NIPAL4: variants seen among roughly 807,000 people sequenced by gnomAD.
The protein encoded by NIPAL4 is NIPA like domain containing 4.
A neutral mutation model predicts 31.6 loss-of-function variants in NIPAL4; 21 were observed. The observed-to-expected ratio is 0.67, with a 90% CI of 0.47 to 0.96. NIPAL4 has a LOEUF of 0.96. NIPAL4 is among the 40% of genes least tolerant of loss of function. The pLI, the probability that NIPAL4 is intolerant of heterozygous loss-of-function variation, is 0.00. For missense variants in NIPAL4, 438 were observed against 508.0 expected, an observed-to-expected ratio of 0.86 and a Z score of 1.32; for synonymous variants, 175 against 211.1, an observed-to-expected ratio of 0.83 and a Z score of 1.48.
chr5:157,466,741 C>T (rs1300528906), intron 2 of NIPAL4, among the ~76,000 whole-genome samples: 1 of 152,172 alleles, frequency 6.6e-6, no homozygotes. Context: ...GGGTGGGGAA[C>T]ATTTAAAACC....
chr5:157,465,760 G>A (rs1276861190), intron 2 of NIPAL4, among the ~76,000 whole-genome samples: 1 of 152,198 alleles, frequency 6.6e-6, no homozygotes. Flanking sequence ...GGGAGGCTGA[G>A]GTGTCAGGAT....
chr5:157,460,604 G>A (rs777220005), intron 1 of NIPAL4: 4 of 681,746 alleles, frequency 5.9e-6, no homozygotes, highest in South Asian at 4.5e-5. Context: ...TTGAGATGGG[G>A]GGTTAGTGGG....
intron 2 of NIPAL4, among the ~76,000 whole-genome samples, chr5:157,464,979 G>C (rs556343570): frequency 1.1e-4 from 16 of 152,160 alleles, no homozygotes; most frequent in South Asian, 4.1e-4. Context: ...AGTAGCACTA[G>C]TATTGGTATT....
chr5:157,471,829 GC>G lies in NIPAL4; in HGVS notation c.586+16del. 2 of 1,573,956 alleles carry G rather than the reference GC, an allele frequency of 1.3e-6. No individual in the cohort carries two copies. The highest frequency in any genetic ancestry group is 1.9e-5 in the Admixed American group (1 of 53,910). On this transcript the variant is annotated intron_variant, in intron 5 of 5. Transcript: ENST00000311946. ...GATGAAAGACACAGGTAGACTCCAA[GC>G]CCCTGAAGAGCAGGAAAATACTGGA... is the stretch of plus-strand genomic sequence containing the variant.
In NIPAL4 at chr5:157,465,405, A is replaced by G. The variant is rs148675818; in HGVS notation, c.278-1644A>G. ...ATTTATGGGAAATTCTGACCTTTTT[A>G]GGAACCTAATGAAAATAGGACACCT... On this transcript the variant is annotated intron_variant, in intron 2 of 5. Transcript: ENST00000311946. Among the ~76,000 whole-genome samples the G allele has an allele frequency of 1.1e-4, 17 of 152,344 alleles. No homozygotes were observed. The East Asian group carries it at 1.9e-3, about 17-fold the overall frequency.
Position 157,460,333 on chromosome 5 carries a change from G to A in NIPAL4, c.13G>A (p.Val5Ile). 6.5e-7 allele frequency: 1 copy of A among 1,547,808 alleles called. No homozygotes were observed. The highest frequency in any genetic ancestry group is 8.7e-7 in the Non-Finnish European group (1 of 1,146,262). ...TGCCCCGGGCCCCATGGAGCTGCGG[G>A]TCAGCAACACCAGCTGCGAGAACGG... MELR[V>I]SNTSCENGSL... is the part of the protein sequence containing the mutation. Residue 5 changes from valine (V) to isoleucine (I), a missense_variant, in exon 1 of 6, where the codon GTC (valine) becomes ATC (isoleucine). By Grantham distance (29) the Val-to-Ile change is conservative (BLOSUM62 3). Transcript: ENST00000311946.
Position 157,467,048 on chromosome 5 carries a change from G to A in NIPAL4, c.278-1G>A, listed in dbSNP as rs1340584185. ...TAACTTTGTGTCCATTCCCTCCACA[G>A]TGGATGGAGGCTTCGGCTACCTGAA... On this transcript the variant is annotated splice_acceptor_variant, in intron 2 of 5. Transcript: ENST00000311946. LOFTEE classifies it high-confidence loss of function. 1 of 1,610,792 alleles carries A rather than the reference G, an allele frequency of 6.2e-7. No homozygotes were observed. Among genetic ancestry groups the A allele is most frequent in the Non-Finnish European group, 8.5e-7 (1 of 1,177,180 alleles).
At chr5:157,460,549 T>G (rs983597383) in intron 1 of NIPAL4, 192 bp downstream of exon 1, 1 of 701,404 alleles carries the variant, frequency 1.4e-6, no homozygotes. Flanking sequence ...TCTTCGCAGC[T>G]GGGATGGCTG....
At chr5:157,468,071 ATT>A (rs34935942) in intron 3 of NIPAL4, 9 of 141,486 alleles carry the variant, frequency 6.4e-5, no homozygotes, top group African/African-American at 1.0e-4. Context: ...CGCCTGGCTA[ATT>A]TTTTTTTTTT....
chr5:157,465,616 T>G (rs532926585), intron 2 of NIPAL4, among the ~76,000 whole-genome samples: 15 of 152,280 alleles, frequency 9.9e-5, no homozygotes, highest in African/African-American at 3.6e-4. Context: ...AGCTTCCATT[T>G]TACTGGGGGA....
intron 1 of NIPAL4, 96 bp downstream of exon 1, chr5:157,460,453 GC>G: frequency 7.8e-7 from 1 of 1,278,850 alleles, no homozygotes; most frequent in Non-Finnish European, 1.1e-6. Flanking sequence ...TCCCAGGGGG[GC>G]CAAAGCTGGG....
At chr5:157,469,105 T>C (rs1754358316) in intron 4 of NIPAL4, among the ~76,000 whole-genome samples, 2 of 152,318 alleles carry the variant, frequency 1.3e-5, no homozygotes, top group Admixed American at 1.3e-4. Context: ...GGTGCCGTGA[T>C]AGATGCAGCA....
At chr5:157,464,783 T>G in intron 2 of NIPAL4, among the ~76,000 whole-genome samples, 1 of 152,196 alleles carries the variant, frequency 6.6e-6, no homozygotes, top group East Asian at 1.9e-4. Context: ...TGTGGGATAT[T>G]GCACTTAGGA....
chr5:157,471,640 C>T lies in NIPAL4; in HGVS notation c.426-17C>T, dbSNP rs758971429. 6.3e-7 allele frequency: 1 copy of T among 1,593,826 alleles called. No homozygotes were observed. The highest frequency in any genetic ancestry group is 8.6e-7 in the Non-Finnish European group (1 of 1,167,674). Reference sequence around the variant, plus strand: ...GGCATGGCTGCTCTAATCCCCTTCTCCCATTTCCACGTGCAGTGCCATCCT... The same window carrying T: ...GGCATGGCTGCTCTAATCCCCTTCTTCCATTTCCACGTGCAGTGCCATCCT... On this transcript the variant is annotated splice_polypyrimidine_tract_variant and intron_variant, in intron 4 of 5. Transcript: ENST00000311946.
chr5:157,468,174 C>T (rs1450188708), intron 3 of NIPAL4, among the ~76,000 whole-genome samples: 1 of 151,934 alleles, frequency 6.6e-6, no homozygotes, highest in African/African-American at 2.4e-5. Flanking sequence ...CTCGGCCTCC[C>T]AAAGTGCTGG....
At chr5:157,469,485 G>A (rs1023614956) in intron 4 of NIPAL4, among the ~76,000 whole-genome samples, 4 of 152,212 alleles carry the variant, frequency 2.6e-5, no homozygotes, top group Admixed American at 6.5e-5. Context: ...AAAGTTACCA[G>A]CTTCTAAGAG....
chr5:157,469,372 G>A (rs181855746), intron 4 of NIPAL4, among the ~76,000 whole-genome samples: 110 of 152,254 alleles, frequency 7.2e-4, no homozygotes, highest in Non-Finnish European at 1.2e-3. Flanking sequence ...CACATAGTAG[G>A]GGCTTAGTAT....
chr5:157,466,153 G>A (rs935848367), intron 2 of NIPAL4, among the ~76,000 whole-genome samples: 9 of 152,126 alleles, frequency 5.9e-5, no homozygotes, highest in Non-Finnish European at 1.2e-4. Context: ...TGGCATCGTA[G>A]GGGAAGCAAC....
chr5:157,469,106 A>G (rs1754358383), intron 4 of NIPAL4, among the ~76,000 whole-genome samples: 2 of 152,306 alleles, frequency 1.3e-5, no homozygotes, highest in South Asian at 4.1e-4. Context: ...GTGCCGTGAT[A>G]GATGCAGCAT....
Sources: allele counts gnomAD v4.1 joint callset (sites outside exome capture counted in the v4.1 genomes callset), GRCh38; gene constraint gnomAD v4.1.1; transcripts MANE v1.5; gene names NCBI Gene and HGNC (gene_info 2026-07-23, HGNC 2026-07-21).